Variants in MAGI2 observed in about 807,000 individuals in gnomAD.
MAGI2 encodes the protein membrane-associated guanylate kinase, WW and PDZ domain-containing protein 2.
Under a neutral mutation model 133.3 loss-of-function variants are expected in MAGI2, and 35 were observed. That is an observed-to-expected ratio of 0.26 (90% confidence interval 0.20 to 0.35). MAGI2 has a LOEUF of 0.35. Among genes scored for constraint, MAGI2 ranks in the 10% least tolerant of loss-of-function variants. The pLI, the probability that MAGI2 is intolerant of heterozygous loss-of-function variation, is 1.00. For missense variants in MAGI2, 1,636 were observed against 1,863.4 expected (o/e 0.88, Z 2.25); for synonymous variants, 729 against 710.6 (o/e 1.03, Z -0.41).
At position 78,454,596 on chromosome 7, in the gene MAGI2, G is replaced by A. The variant is rs115039248; in HGVS notation, c.1045+35165C>T. 8.1e-3 allele frequency among the ~76,000 whole-genome samples: 1,228 copies of A among 152,230 alleles called. 23 individuals carry two copies. Among genetic ancestry groups the A allele is most frequent in the African/African-American group, 0.028 (1,173 of 41,538 alleles). ...TTATCCAAATGAGTTCAAAACTTAT[G>A]TCCACACAAAAACCTGCATGTGAAT... On this transcript the variant is annotated intron_variant, in intron 6 of 21. Transcript: ENST00000354212.
chr7:79,346,843 A>T (rs1170516322), intron 1 of MAGI2, among the ~76,000 whole-genome samples: 1 of 152,008 alleles, frequency 6.6e-6, no homozygotes, highest in Non-Finnish European at 1.5e-5. Context: ...CGTTCACACA[A>T]TTACACAATG....
intron 2 of MAGI2, among the ~76,000 whole-genome samples, chr7:78,794,030 G>A (rs916561006): frequency 3.3e-5 from 5 of 152,110 alleles, no homozygotes; most frequent in African/African-American, 9.7e-5. Flanking sequence ...GTGACTAGAT[G>A]GTACTTGCAT....
At chr7:78,475,727 A>G (rs867784571) in intron 6 of MAGI2, among the ~76,000 whole-genome samples, 33 of 151,944 alleles carry the variant, frequency 2.2e-4, no homozygotes, top group Admixed American at 3.3e-4. Context: ...AGTCATCAGC[A>G]TCTAGATGGG....
intron 2 of MAGI2, among the ~76,000 whole-genome samples, chr7:78,641,373 G>A (rs2150988857): frequency 6.6e-6 from 1 of 152,212 alleles, no homozygotes; most frequent in East Asian, 1.9e-4. Flanking sequence ...AGGCTTTGCT[G>A]GCCATACTGT....
At chr7:79,187,717 A>G (rs1651101810) in intron 1 of MAGI2, among the ~76,000 whole-genome samples, 1 of 151,802 alleles carries the variant, frequency 6.6e-6, no homozygotes, top group African/African-American at 2.4e-5. Context: ...ATTATGTCAC[A>G]CCAAATTTAT....
chr7:78,542,516 C>A (rs1156330311), intron 3 of MAGI2, among the ~76,000 whole-genome samples: 1 of 151,976 alleles, frequency 6.6e-6, no homozygotes, highest in Non-Finnish European at 1.5e-5. Flanking sequence ...GAGAGAACTC[C>A]CTTAGACAGA....
At chr7:78,865,716 A>G (rs1437879158) in intron 2 of MAGI2, among the ~76,000 whole-genome samples, 1 of 152,220 alleles carries the variant, frequency 6.6e-6, no homozygotes, top group African/African-American at 2.4e-5. Flanking sequence ...GAAGAATGGG[A>G]AAACAGAATC....
chr7:79,001,975 A>T (rs1003492582), intron 2 of MAGI2, among the ~76,000 whole-genome samples: 8 of 152,074 alleles, frequency 5.3e-5, no homozygotes, highest in African/African-American at 1.9e-4. Flanking sequence ...TATGTTTTTC[A>T]TGGTTAGTCT....
intron 1 of MAGI2, among the ~76,000 whole-genome samples, chr7:79,186,228 A>ATATATATATATT (rs1827112686): frequency 8.7e-6 from 1 of 114,428 alleles, no homozygotes; most frequent in South Asian, 3.0e-4. Context: ...ATATATATAT[A>ATATATATATATT]TATATATATA....
chr7:78,674,463 T>A (rs1483928834), intron 2 of MAGI2, among the ~76,000 whole-genome samples: 1 of 150,492 alleles, frequency 6.6e-6, no homozygotes, highest in Non-Finnish European at 1.5e-5. Flanking sequence ...AACTAAACAT[T>A]CCAAATCAGG....
chr7:78,776,412 A>G (rs771952241), intron 2 of MAGI2, among the ~76,000 whole-genome samples: 1 of 152,248 alleles, frequency 6.6e-6, no homozygotes, highest in Non-Finnish European at 1.5e-5. Flanking sequence ...TCCATAGTAG[A>G]TGGTCTCTTG....
At chr7:79,261,146 G>C (rs1834057304) in intron 1 of MAGI2, among the ~76,000 whole-genome samples, 1 of 152,200 alleles carries the variant, frequency 6.6e-6, no homozygotes, top group Non-Finnish European at 1.5e-5. Context: ...CAAAATCATA[G>C]AGGTTAATCA....
chr7:78,317,464 G>A (rs887072740), intron 9 of MAGI2, among the ~76,000 whole-genome samples: 6 of 152,220 alleles, frequency 3.9e-5, no homozygotes, highest in East Asian at 3.8e-4. Context: ...ATAAGAATGC[G>A]CATCAGCATA....
At chr7:79,126,870 T>C (rs1257370816) in intron 1 of MAGI2, among the ~76,000 whole-genome samples, 3 of 152,068 alleles carry the variant, frequency 2.0e-5, no homozygotes, top group Non-Finnish European at 4.4e-5. Context: ...TACATATGTA[T>C]ACATGTGCCA....
At chr7:78,092,757 C>T (rs1817324690) in intron 20 of MAGI2, among the ~76,000 whole-genome samples, 1 of 143,706 alleles carries the variant, frequency 7.0e-6, no homozygotes, top group African/African-American at 2.8e-5. Flanking sequence ...ACTGCAGCTG[C>T]TCTCAGAATT....
At chr7:79,087,818 T>C (rs1255253524) in intron 1 of MAGI2, among the ~76,000 whole-genome samples, 1 of 152,088 alleles carries the variant, frequency 6.6e-6, no homozygotes, top group Non-Finnish European at 1.5e-5. Flanking sequence ...ATGTGTGGTG[T>C]TATTTCTGAG....
At chr7:79,076,374 C>T (rs543189508) in intron 1 of MAGI2, among the ~76,000 whole-genome samples, 29 of 152,282 alleles carry the variant, frequency 1.9e-4, no homozygotes, top group Non-Finnish European at 8.8e-5. Flanking sequence ...TATTTTAAGG[C>T]TATTTTCAAA....
intron 2 of MAGI2, among the ~76,000 whole-genome samples, chr7:78,696,443 C>T (rs929903747): frequency 1.3e-5 from 2 of 152,098 alleles, no homozygotes; most frequent in Non-Finnish European, 2.9e-5. Context: ...GTACATTAAT[C>T]CCAAATTACT....
At chr7:78,794,806 G>A (rs1787466226) in intron 2 of MAGI2, among the ~76,000 whole-genome samples, 1 of 152,150 alleles carries the variant, frequency 6.6e-6, no homozygotes, top group Admixed American at 6.5e-5. Flanking sequence ...TTGGAAATGA[G>A]GAGTTAACTT....
Sources: allele counts gnomAD v4.1 joint callset (sites outside exome capture counted in the v4.1 genomes callset), GRCh38; gene constraint gnomAD v4.1.1; transcripts MANE v1.5; gene names NCBI Gene and HGNC (gene_info 2026-07-23, HGNC 2026-07-21).